The following NTNG1 variants were observed in gnomAD, a reference collection of about 807,000 sequenced individuals.
The protein encoded by NTNG1 is netrin G1, also known as netrin-G1.
NTNG1 carries 16 observed loss-of-function variants against 54.0 expected under a neutral mutation model. That is an observed-to-expected ratio of 0.30 (90% confidence interval 0.20 to 0.45). The LOEUF is 0.45. Among genes scored for constraint, NTNG1 ranks in the 20% least tolerant of loss-of-function variants. NTNG1 has a pLI of 1.00. For missense variants in NTNG1, 530 were observed against 678.7 expected (o/e 0.78, Z 2.43); for synonymous variants, 255 against 263.1 (o/e 0.97, Z 0.30).
chr1:107,389,972 G>A (rs761209759), intron 3 of NTNG1, among the ~76,000 whole-genome samples: 6 of 152,308 alleles, frequency 3.9e-5, no homozygotes, highest in Admixed American at 6.5e-5. Context: ...TCGTGAGGCC[G>A]GAGGTCACAG....
intron 7 of NTNG1, among the ~76,000 whole-genome samples, chr1:107,438,466 C>A (rs1675748548): frequency 6.6e-6 from 1 of 152,132 alleles, no homozygotes; most frequent in South Asian, 2.1e-4. Flanking sequence ...TGTCAGGGCT[C>A]AGAGTGAAGC....
At chr1:107,235,224 A>T (rs1196561967) in intron 2 of NTNG1, among the ~76,000 whole-genome samples, 4 of 152,114 alleles carry the variant, frequency 2.6e-5, no homozygotes, top group Non-Finnish European at 5.9e-5. Context: ...CTTAGAAGCC[A>T]TCACTATTGT....
At chr1:107,261,716 G>A (rs1570524257) in intron 2 of NTNG1, among the ~76,000 whole-genome samples, 3 of 152,202 alleles carry the variant, frequency 2.0e-5, no homozygotes, top group South Asian at 2.1e-4. Context: ...GGTGGCGGGT[G>A]CCTGTAGTCC....
intron 2 of NTNG1, among the ~76,000 whole-genome samples, chr1:107,197,611 A>C (rs1230900954): frequency 6.6e-6 from 1 of 151,952 alleles, no homozygotes; most frequent in East Asian, 1.9e-4. Context: ...GCAGGACTAC[A>C]TTCTGGCTTG....
intron 2 of NTNG1, among the ~76,000 whole-genome samples, chr1:107,217,006 G>A (rs1225289245): frequency 6.6e-6 from 1 of 152,136 alleles, no homozygotes; most frequent in Non-Finnish European, 1.5e-5. Context: ...TTTTGGAATA[G>A]TGCCAATAGG....
chr1:107,197,976 A>AT (rs1374823788), intron 2 of NTNG1, among the ~76,000 whole-genome samples: 2 of 151,842 alleles, frequency 1.3e-5, no homozygotes, highest in African/African-American at 4.8e-5. Context: ...GATAATGCAC[A>AT]TTTTTTTCCT....
intron 5 of NTNG1, among the ~76,000 whole-genome samples, chr1:107,424,109 G>GA (rs1674733875): frequency 6.6e-6 from 1 of 152,094 alleles, no homozygotes; most frequent in South Asian, 2.1e-4. Flanking sequence ...TAAATTCTAT[G>GA]AAAAAATATA....
chr1:107,148,291 C>T lies in NTNG1; in HGVS notation c.-303C>T. ...CATCTTTTACAAAAACCAAACTAGA[C>T]CTGAGTCTAATAGATATGTTCTAAG... On this transcript the variant is annotated 5_prime_UTR_variant, in exon 2 of 8. Transcript: ENST00000370068. 4.0e-6 allele frequency: 1 copy of T among 247,142 alleles called. No homozygotes were observed. Among genetic ancestry groups the T allele is most frequent in the Admixed American group, 5.0e-5 (1 of 20,106 alleles). 15.3% of individuals were successfully genotyped at this position (247,142 alleles called of 1,614,324 possible).
intron 3 of NTNG1, among the ~76,000 whole-genome samples, chr1:107,376,977 C>T (rs924395628): frequency 6.6e-6 from 1 of 152,164 alleles, no homozygotes; most frequent in Admixed American, 6.5e-5. Flanking sequence ...TTTAGAGTAA[C>T]ATAGGAAAAG....
intron 2 of NTNG1, among the ~76,000 whole-genome samples, chr1:107,275,151 T>C (rs1664384614): frequency 1.3e-5 from 2 of 152,094 alleles, no homozygotes; most frequent in South Asian, 4.1e-4. Context: ...CTAAGGCAGG[T>C]GGATCACCTG....
intron 2 of NTNG1, among the ~76,000 whole-genome samples, chr1:107,319,462 C>A (rs1383641893): frequency 6.6e-6 from 1 of 152,118 alleles, no homozygotes; most frequent in Admixed American, 6.6e-5. Flanking sequence ...AATTTCTACA[C>A]CCTTTAAAGG....
At chr1:107,156,511 G>T (rs904581191) in intron 2 of NTNG1, among the ~76,000 whole-genome samples, 5 of 152,206 alleles carry the variant, frequency 3.3e-5, no homozygotes, top group Non-Finnish European at 5.9e-5. Context: ...ATAAAATATT[G>T]TATAGCCACA....
rs184589593 is a variant in NTNG1, at chr1:107,377,056, C to G, written c.888-18098C>G. On this transcript the variant is annotated intron_variant, in intron 3 of 7. Transcript: ENST00000370068. ...AGCCTGATATGTGTGGCTTCAGGGTCCCCCTGACTCCTCTTCCTGGCTTAC... is the reference window on the plus strand; with the variant it reads ...AGCCTGATATGTGTGGCTTCAGGGTGCCCCTGACTCCTCTTCCTGGCTTAC... Among the ~76,000 whole-genome samples the G allele has an allele frequency of 2.0e-3, 308 of 152,276 alleles. 2 individuals carry two copies. Among genetic ancestry groups the G allele is most frequent in the African/African-American group, 7.0e-3 (290 of 41,546 alleles).
chr1:107,202,348 T>C (rs1658819618), intron 2 of NTNG1, among the ~76,000 whole-genome samples: 1 of 151,878 alleles, frequency 6.6e-6, no homozygotes, highest in Non-Finnish European at 1.5e-5. Context: ...ATGTTGGTTA[T>C]AATAGTATCT....
intron 4 of NTNG1, among the ~76,000 whole-genome samples, chr1:107,399,835 G>T (rs1229219603): frequency 6.6e-6 from 1 of 152,052 alleles, no homozygotes; most frequent in Non-Finnish European, 1.5e-5. Context: ...CCTCCACTGG[G>T]ATTTAGGCTC....
chr1:107,247,758 C>CCAATAT (rs143975278), intron 2 of NTNG1, among the ~76,000 whole-genome samples: 1,766 of 152,278 alleles, frequency 0.012, 29 homozygotes, highest in African/African-American at 0.04. Flanking sequence ...AAACAAAAAA[C>CCAATAT]CAATATCAAT....
intron 2 of NTNG1, among the ~76,000 whole-genome samples, chr1:107,232,657 G>C (rs1431497514): frequency 4.6e-5 from 7 of 152,202 alleles, no homozygotes; most frequent in Admixed American, 4.6e-4. Context: ...ATAGTTAAGA[G>C]AAGTGATGAG....
intron 2 of NTNG1, among the ~76,000 whole-genome samples, chr1:107,224,962 A>G (rs1660580584): frequency 6.6e-6 from 1 of 152,160 alleles, no homozygotes; most frequent in South Asian, 2.1e-4. Context: ...TTATAAGGTT[A>G]TAGTGAGTAG....
intron 5 of NTNG1, among the ~76,000 whole-genome samples, chr1:107,430,424 A>G (rs1008906942): frequency 1.6e-4 from 25 of 152,250 alleles, no homozygotes; most frequent in African/African-American, 6.0e-4. Flanking sequence ...CAAAAAATAA[A>G]AATAATAGAC....
Sources: gnomAD v4.1 joint callset for allele counts (sites outside exome capture counted in the v4.1 genomes callset) on GRCh38, gnomAD v4.1.1 for gene constraint, MANE v1.5 for transcripts, NCBI Gene and HGNC (gene_info 2026-07-23, HGNC 2026-07-21) for gene names.